The following LGALS1 variants were observed in gnomAD, a reference collection of about 807,000 sequenced individuals.
LGALS1 encodes the protein galectin 1, also known as galectin-1.
Under a neutral mutation model 14.4 loss-of-function variants are expected in LGALS1, and 14 were observed. That is an observed-to-expected ratio of 0.97 (90% CI 0.64 to 1.52). The LOEUF (loss-of-function observed/expected upper bound fraction) is 1.52, where lower values mean the gene tolerates loss of function less well. Ranked by LOEUF, LGALS1 falls within the 40% of genes most tolerant of loss-of-function variation. The pLI, the probability that LGALS1 is intolerant of heterozygous loss-of-function variation, is 0.00. For synonymous variants in LGALS1, 71 were observed against 73.4 expected (o/e 0.97, Z 0.17); for missense variants, 170 against 181.4 (o/e 0.94, Z 0.36).
chr22:37,676,932 G>A lies in LGALS1; in HGVS notation c.10-54G>A, dbSNP rs372904011. On this transcript the variant is annotated intron_variant, in intron 1 of 3. Transcript: ENST00000215909. ...ACCCCCAGCCACCCCCGGACACTTC[G>A]AGCAGTGGAGGCCTTGTCCTCTAAC... 7 of 1,591,818 alleles carry A rather than the reference G, an allele frequency of 4.4e-6. No individual in the cohort carries two copies. The Admixed American group carries it at 1.0e-4, about 23-fold the overall frequency.
At position 37,677,057 on chromosome 22, in the gene LGALS1, C is replaced by A. The variant is rs1282526178; in HGVS notation, c.81C>A (p.Asp27Glu). The A allele has an allele frequency of 1.2e-6, 2 of 1,613,850 alleles. No homozygotes were observed. The highest frequency in any genetic ancestry group is 2.7e-5 in the African/African-American group (2 of 74,932). The change falls in exon 2 of 4, where the codon GAC (aspartate) becomes GAA (glutamate). Residue 27 changes from aspartate (D) to glutamate (E), a missense_variant. By Grantham distance (45) the Asp-to-Glu change is conservative (BLOSUM62 2). Coordinates refer to ENST00000215909, the MANE Select transcript of LGALS1 (RefSeq NM_002305.4). ...GAGTGCGAGGCGAGGTGGCTCCTGA[C>A]GCTAAGAGGTGAGAAGTGAAGTCGG... ...CLRVRGEVAP[D>E]AKSFVLNLGK...
rs1921516656 is a variant in LGALS1 at position 37,678,484 on chromosome 22, T to C, written c.91T>C (p.Phe31Leu). 1 of 1,613,474 alleles carries C rather than the reference T, an allele frequency of 6.2e-7. No homozygotes were observed. Among genetic ancestry groups the C allele is most frequent in the Non-Finnish European group, 8.5e-7 (1 of 1,179,996 alleles). Residue 31 changes from phenylalanine (F) to leucine (L), a missense_variant and splice_region_variant, in exon 3 of 4, where the codon TTC (phenylalanine) becomes CTC (leucine). Coordinates refer to ENST00000215909, the MANE Select transcript of LGALS1 (RefSeq NM_002305.4). ...RGEVAPDAKSFVLNLGKDSNN... is the reference protein window; with the variant it reads ...RGEVAPDAKSLVLNLGKDSNN... ...TCATGCCCACCCGTTACCCCCCAGC[T>C]TCGTGCTGAACCTGGGCAAAGACAG...
In LGALS1 at chr22:37,678,641, G is replaced by T; in HGVS notation, c.248G>T (p.Gly83Val). ...GAGGCTGTCTTTCCCTTCCAGCCTGGAAGTGTTGCAGAGGTGGGCTGCAGA... is the reference window on the plus strand; with the variant it reads ...GAGGCTGTCTTTCCCTTCCAGCCTGTAAGTGTTGCAGAGGTGGGCTGCAGA... ...QREAVFPFQP[G>V]SVAEVCITFD... Residue 83 changes from glycine (G) to valine (V), a missense_variant, in exon 3 of 4, where the codon GGA (glycine) becomes GTA (valine). Transcript: ENST00000215909. 1 of 1,351,654 alleles carries T rather than the reference G, an allele frequency of 7.4e-7. No individual in the cohort carries two copies. The allele number at this position is 1,351,654 out of a possible 1,614,324, so 83.7% of individuals were successfully genotyped here. A position where few individuals can be genotyped will look rare whatever the true frequency, so the allele number is the denominator to read the frequency against.
intron 1 of LGALS1, among the ~76,000 whole-genome samples, chr22:37,676,531 G>C (rs1250710079): frequency 6.6e-6 from 1 of 152,118 alleles, no homozygotes; most frequent in African/African-American, 2.4e-5. Context: ...TTTGCAGAGA[G>C]GGGCTTGAAG....
intron 1 of LGALS1, 58 bp downstream of exon 1, chr22:37,675,769 A>G: frequency 6.9e-7 from 1 of 1,439,274 alleles, no homozygotes; most frequent in Non-Finnish European, 9.3e-7. Flanking sequence ...TGATGGCCAG[A>G]GGAGAGCTGG....
In LGALS1 at chr22:37,675,751, G is replaced by A. The variant is rs955559428; in HGVS notation, c.9+40G>A. On this transcript the variant is annotated intron_variant, in intron 1 of 3. Transcript: ENST00000215909. ...CCCCCCCCAAGGTCCAGGGGATAGG[G>A]CAGGAACTGATGGCCAGAGGAGAGC... 6.7e-6 allele frequency: 10 copies of A among 1,499,458 alleles called. No individual in the cohort carries two copies. In the Admixed American group the frequency reaches 1.3e-4, roughly 20 times the overall value. The allele number at this position is 1,499,458 out of a possible 1,614,324, so 92.9% of individuals were successfully genotyped here. A position where few individuals can be genotyped will look rare whatever the true frequency, so the allele number is the denominator to read the frequency against.
intron 3 of LGALS1, among the ~76,000 whole-genome samples, chr22:37,679,265 C>T (rs772292628): frequency 6.6e-6 from 1 of 150,574 alleles, no homozygotes; most frequent in Non-Finnish European, 1.5e-5. Flanking sequence ...AACCCCGTCT[C>T]TATATAAATA....
chr22:37,678,691 G>A (rs1412433991), intron 3 of LGALS1, 37 bp downstream of exon 3: 1 of 1,473,576 alleles, frequency 6.8e-7, no homozygotes. Context: ...CAGGGACAGG[G>A]GCTGGGTGGG....
intron 3 of LGALS1, among the ~76,000 whole-genome samples, chr22:37,678,895 C>T (rs1422366460): frequency 2.0e-5 from 3 of 152,068 alleles, no homozygotes; most frequent in South Asian, 4.1e-4. Context: ...TTTGGGAGGC[C>T]GAGGCGGGCG....
Position 37,679,760 on chromosome 22 carries a change from C to A in LGALS1, c.*11C>A. 1 of 1,574,472 alleles carries A rather than the reference C, an allele frequency of 6.4e-7. No individual in the cohort carries two copies. ...GTGGCCTTTGACTGAAATCAGCCAG[C>A]CCATGGCCCCCAATAAAGGCAGCTG... On this transcript the variant is annotated 3_prime_UTR_variant, in exon 4 of 4. Coordinates refer to ENST00000215909, the MANE Select transcript of LGALS1 (RefSeq NM_002305.4).
chr22:37,676,474 CAG>C (rs932530114), intron 1 of LGALS1, among the ~76,000 whole-genome samples: 1 of 152,192 alleles, frequency 6.6e-6, no homozygotes, highest in African/African-American at 2.4e-5. Flanking sequence ...CTCCCTAATG[CAG>C]AGAGGCCGTG....
At position 37,678,577 on chromosome 22, in the gene LGALS1, A is replaced by G. The variant is rs897506771; in HGVS notation, c.184A>G (p.Asn62Asp). The G allele has an allele frequency of 3.1e-6, 5 of 1,613,508 alleles. No individual in the cohort carries two copies. Among genetic ancestry groups the G allele is most frequent in the Non-Finnish European group, 3.4e-6 (4 of 1,180,028 alleles). The change falls in exon 3 of 4, where the codon AAC becomes GAC. Residue 62 changes from asparagine (N) to aspartate (D), a missense_variant. Transcript: ENST00000215909. ...CGGCGACGCCAACACCATCGTGTGCAACAGCAAGGACGGCGGGGCCTGGGG... is the reference window on the plus strand; with the variant it reads ...CGGCGACGCCAACACCATCGTGTGCGACAGCAAGGACGGCGGGGCCTGGGG... ...AHGDANTIVC[N>D]SKDGGAWGTE...
intron 2 of LGALS1, 68 bp from the exon 3 acceptor site, chr22:37,678,414 TG>T: frequency 6.5e-7 from 1 of 1,547,122 alleles, no homozygotes; most frequent in Non-Finnish European, 8.9e-7. Flanking sequence ...GGATACTGAG[TG>T]ACAGATTAGT....
rs1054833553 is a variant in LGALS1, at chr22:37,675,678, C to T, written c.-25C>T. 3.2e-6 allele frequency: 5 copies of T among 1,549,354 alleles called. No individual in the cohort carries two copies. Among genetic ancestry groups the T allele is most frequent in the African/African-American group, 1.4e-5 (1 of 72,948 alleles). On this transcript the variant is annotated 5_prime_UTR_variant, in exon 1 of 4. Coordinates refer to ENST00000215909, the MANE Select transcript of LGALS1 (RefSeq NM_002305.4). Reference sequence around the variant, plus strand: ...TCTTCTGACAGCTGGTGCGCCTGCCCGGGAACATCCTCCTGGACTCAATCA... The same window carrying T: ...TCTTCTGACAGCTGGTGCGCCTGCCTGGGAACATCCTCCTGGACTCAATCA...
intron 3 of LGALS1, 130 bp from the exon 4 acceptor site, chr22:37,679,473 G>GA: frequency 1.4e-6 from 1 of 731,346 alleles, no homozygotes; most frequent in Non-Finnish European, 1.9e-6. Flanking sequence ...TAAAAAGAAA[G>GA]AAAAAATATT....
intron 1 of LGALS1, chr22:37,676,084 G>T (rs573085283): frequency 4.2e-5 from 8 of 190,026 alleles, no homozygotes; most frequent in Admixed American, 1.8e-4. Context: ...CCTCCCCCCT[G>T]CAGCTGTCCC....
Position 37,678,606 on chromosome 22 carries a change from C to A in LGALS1, c.213C>A (p.Thr71=), listed in dbSNP as rs4888. 3 of 1,602,118 alleles carry A rather than the reference C, an allele frequency of 1.9e-6. No individual in the cohort carries two copies. Among genetic ancestry groups the A allele is most frequent in the Admixed American group, 3.4e-5 (2 of 59,424 alleles). ...GCAAGGACGGCGGGGCCTGGGGGACCGAGCAGCGGGAGGCTGTCTTTCCCT... is the reference window on the plus strand; with the variant it reads ...GCAAGGACGGCGGGGCCTGGGGGACAGAGCAGCGGGAGGCTGTCTTTCCCT... ...CNSKDGGAWG[T]EQREAVFPFQ... Residue 71 remains threonine (T), a synonymous_variant, in exon 3 of 4, where the codon ACC becomes ACA. Transcript: ENST00000215909.
At chr22:37,676,079 C>T in intron 1 of LGALS1, 1 of 195,178 alleles carries the variant, frequency 5.1e-6, no homozygotes, top group South Asian at 1.6e-4. Context: ...TGTCCCCTCC[C>T]CCCTGCAGCT....
chr22:37,678,444 C>G, intron 2 of LGALS1, 39 bp from the exon 3 acceptor site: 1 of 1,610,412 alleles, frequency 6.2e-7, no homozygotes, highest in Middle Eastern at 1.7e-4. Context: ...GGGGCTGGAG[C>G]TGGCCGAGGT....
Sources: allele counts gnomAD v4.1 joint callset (sites outside exome capture counted in the v4.1 genomes callset), GRCh38; gene constraint gnomAD v4.1.1; transcripts MANE v1.5; gene names NCBI Gene and HGNC (gene_info 2026-07-23, HGNC 2026-07-21).